MTUS2: variants seen among roughly 807,000 people sequenced by gnomAD.
MTUS2 encodes microtubule associated scaffold protein 2.
A neutral mutation model predicts 114.1 loss-of-function variants in MTUS2; 40 were observed. That is an observed-to-expected ratio of 0.35 (90% CI 0.27 to 0.46). The LOEUF is 0.46. Ranked by LOEUF, MTUS2 falls within the 20% of genes least tolerant of loss-of-function variation. The probability of loss-of-function intolerance (pLI) is 1.00; values close to 1 mark genes in which losing one functional copy is unlikely to be tolerated. For synonymous variants in MTUS2, 688 were observed against 672.0 expected, an observed-to-expected ratio of 1.02 and a Z score of -0.37; for missense variants, 1,679 against 1,705.4, an observed-to-expected ratio of 0.98 and a Z score of 0.27.
chr13:29,060,489 G>A (rs111625177), intron 4 of MTUS2, among the ~76,000 whole-genome samples: 134 of 149,316 alleles, frequency 9.0e-4, no homozygotes, highest in African/African-American at 3.2e-3. Flanking sequence ...CCTCTCCGCT[G>A]TCTGTGTCCA....
intron 5 of MTUS2, among the ~76,000 whole-genome samples, chr13:29,269,812 A>G (rs1593244291): frequency 6.6e-6 from 1 of 152,366 alleles, no homozygotes; most frequent in Non-Finnish European, 1.5e-5. Flanking sequence ...AACGAATATC[A>G]ACAGATGAAT....
At chr13:29,436,889 T>G (rs988984270) in intron 8 of MTUS2, among the ~76,000 whole-genome samples, 11 of 151,768 alleles carry the variant, frequency 7.2e-5, no homozygotes, top group African/African-American at 2.7e-4. Context: ...AAGCAACAGA[T>G]GGACAGGGAA....
intron 2 of MTUS2, among the ~76,000 whole-genome samples, chr13:28,963,224 G>A (rs1382651315): frequency 3.3e-5 from 5 of 152,012 alleles, no homozygotes; most frequent in East Asian, 1.9e-4. Flanking sequence ...GGTGGTGGGC[G>A]CCTGTAGTCC....
intron 3 of MTUS2, among the ~76,000 whole-genome samples, chr13:29,027,696 C>T (rs1397064217): frequency 2.0e-5 from 3 of 152,156 alleles, no homozygotes; most frequent in African/African-American, 4.8e-5. Flanking sequence ...GGACTACAGG[C>T]GCCCGCCACC....
At chr13:29,101,632 A>G (rs993665773) in intron 5 of MTUS2, among the ~76,000 whole-genome samples, 1 of 152,200 alleles carries the variant, frequency 6.6e-6, no homozygotes, top group Non-Finnish European at 1.5e-5. Context: ...TGTGCCTTTG[A>G]TGACCAAACC....
At chr13:29,147,164 A>T (rs1892470396) in intron 5 of MTUS2, among the ~76,000 whole-genome samples, 1 of 152,164 alleles carries the variant, frequency 6.6e-6, no homozygotes, top group Admixed American at 6.5e-5. Flanking sequence ...TGAGGAAAGG[A>T]GATAACGTTC....
chr13:29,218,406 A>G (rs1053295225), intron 5 of MTUS2, among the ~76,000 whole-genome samples: 1 of 152,154 alleles, frequency 6.6e-6, no homozygotes, highest in Non-Finnish European at 1.5e-5. Context: ...GTTGGAATCA[A>G]TTTCTTTCAA....
chr13:29,256,432 G>A (rs1897285055), intron 5 of MTUS2, among the ~76,000 whole-genome samples: 2 of 152,228 alleles, frequency 1.3e-5, no homozygotes, highest in African/African-American at 4.8e-5. Flanking sequence ...GAAGCTCAGA[G>A]CCAGAGGGGC....
chr13:29,500,304 C>T (rs185492374), intron 14 of MTUS2, among the ~76,000 whole-genome samples: 13 of 152,364 alleles, frequency 8.5e-5, no homozygotes, highest in Admixed American at 7.8e-4. Context: ...TTCCTAAGTC[C>T]TGTTCATGGA....
intron 5 of MTUS2, among the ~76,000 whole-genome samples, chr13:29,144,679 T>G (rs981825117): frequency 1.3e-5 from 2 of 152,232 alleles, no homozygotes; most frequent in African/African-American, 4.8e-5. Flanking sequence ...TTGCTCAACA[T>G]AATCCCTTAG....
At position 29,324,731 on chromosome 13, in the gene MTUS2, T is replaced by C; in HGVS notation, c.2905+20T>C. The stretch of plus-strand genomic sequence containing the variant: ...CACCAGGTATGTAAGAAATATGATG[T>C]GTTCCTTGGGGGAATGACTTGAACT... On this transcript the variant is annotated intron_variant, in intron 7 of 15. Transcript: ENST00000612955. 2 of 1,563,564 alleles carry C rather than the reference T, an allele frequency of 1.3e-6. No individual in the cohort carries two copies. The highest frequency in any genetic ancestry group is 1.7e-6 in the Non-Finnish European group (2 of 1,146,262).
At chr13:29,026,947 C>A in intron 3 of MTUS2, 44 bp downstream of exon 3, 1 of 1,492,016 alleles carries the variant, frequency 6.7e-7, no homozygotes, top group South Asian at 1.3e-5. Context: ...TTGACTGTCC[C>A]AATATCTGTG....
At chr13:29,157,059 C>T (rs1364079083) in intron 5 of MTUS2, among the ~76,000 whole-genome samples, 3 of 152,186 alleles carry the variant, frequency 2.0e-5, no homozygotes, top group African/African-American at 2.4e-5. Flanking sequence ...TGTTCATATA[C>T]GCAGCTCTTA....
chr13:29,472,094 G>C (rs4769748), intron 9 of MTUS2, among the ~76,000 whole-genome samples: 62,439 of 152,028 alleles, frequency 0.41, 13,745 homozygotes, highest in African/African-American at 0.57. Context: ...GCATGATCTC[G>C]GCTCACTGTA....
chr13:29,390,083 G>A (rs1232447896), intron 8 of MTUS2, among the ~76,000 whole-genome samples: 1 of 114,940 alleles, frequency 8.7e-6, no homozygotes, highest in African/African-American at 2.7e-5. Context: ...ATACACATAC[G>A]TATATGTACA....
At chr13:29,197,313 A>G (rs1008684559) in intron 5 of MTUS2, among the ~76,000 whole-genome samples, 1 of 152,072 alleles carries the variant, frequency 6.6e-6, no homozygotes, top group Non-Finnish European at 1.5e-5. Flanking sequence ...GAGTGAGAAC[A>G]TGCGGTGGTT....
chr13:29,487,068 A>G (rs923352647), intron 10 of MTUS2, among the ~76,000 whole-genome samples: 6 of 152,206 alleles, frequency 3.9e-5, no homozygotes, highest in Non-Finnish European at 8.8e-5. Context: ...CTTGCGATTA[A>G]ACTGCTAGAC....
At chr13:29,015,298 A>G (rs1485940879) in intron 2 of MTUS2, among the ~76,000 whole-genome samples, 1 of 152,190 alleles carries the variant, frequency 6.6e-6, no homozygotes, top group African/African-American at 2.4e-5. Context: ...AATTTGAATG[A>G]TGGTCATTCT....
At chr13:28,833,881 C>G (rs191370597) in intron 1 of MTUS2, among the ~76,000 whole-genome samples, 9 of 152,132 alleles carry the variant, frequency 5.9e-5, no homozygotes, top group Non-Finnish European at 1.2e-4. Flanking sequence ...TTGTATTTCT[C>G]TGCACTTACA....
Sources: allele counts gnomAD v4.1 joint callset (sites outside exome capture counted in the v4.1 genomes callset), GRCh38; gene constraint gnomAD v4.1.1; transcripts MANE v1.5; gene names NCBI Gene and HGNC (gene_info 2026-07-23, HGNC 2026-07-21).